The following MPP7 variants were observed in gnomAD, a reference collection of about 807,000 sequenced individuals.
MPP7 encodes MAGUK p55 subfamily member 7.
MPP7 carries 60 observed loss-of-function variants against 76.5 expected under a neutral mutation model. That is an observed-to-expected ratio of 0.78 (90% CI 0.64 to 0.97). The LOEUF is 0.97. MPP7 is among the 50% of genes least tolerant of loss of function. MPP7 has a pLI of 0.00. For missense variants in MPP7, 641 were observed against 694.0 expected (o/e 0.92, Z 0.86); for synonymous variants, 237 against 244.5 (o/e 0.97, Z 0.29).
intron 11 of MPP7, among the ~76,000 whole-genome samples, chr10:28,092,560 G>A (rs1853357612): frequency 7.0e-6 from 1 of 142,852 alleles, no homozygotes; most frequent in Admixed American, 7.2e-5. Context: ...AAGCTTCATA[G>A]AACCCAGAAA....
chr10:28,099,641 C>G (rs776353093), intron 11 of MPP7, among the ~76,000 whole-genome samples: 3 of 151,984 alleles, frequency 2.0e-5, no homozygotes, highest in Non-Finnish European at 2.9e-5. Flanking sequence ...CCCGTCTCTA[C>G]TAAAAATACA....
intron 1 of MPP7, among the ~76,000 whole-genome samples, chr10:28,332,202 G>T (rs1292901209): frequency 6.6e-6 from 1 of 151,552 alleles, no homozygotes; most frequent in African/African-American, 2.4e-5. Context: ...AAGCAACTTA[G>T]ATAATGTTTG....
At chr10:28,223,542 T>G (rs1838590650) in intron 2 of MPP7, among the ~76,000 whole-genome samples, 2 of 152,222 alleles carry the variant, frequency 1.3e-5, no homozygotes, top group Non-Finnish European at 2.9e-5. Flanking sequence ...AGAGTTCTTC[T>G]AACTAACTTC....
chr10:28,320,691 G>A (rs543146302), intron 2 of MPP7, among the ~76,000 whole-genome samples: 3 of 151,878 alleles, frequency 2.0e-5, no homozygotes, highest in South Asian at 2.1e-4. Flanking sequence ...CAGGGTGGGC[G>A]GTCCAAAATC....
At chr10:28,265,960 CTTCTG>C (rs894301277) in intron 1 of MPP7, among the ~76,000 whole-genome samples, 1 of 151,952 alleles carries the variant, frequency 6.6e-6, no homozygotes, top group African/African-American at 2.4e-5. Context: ...TCACAAGGGC[CTTCTG>C]TTCTGTTTTG....
At chr10:28,249,894 T>C (rs574353690) in intron 1 of MPP7, among the ~76,000 whole-genome samples, 2 of 152,320 alleles carry the variant, frequency 1.3e-5, no homozygotes, top group South Asian at 2.1e-4. Context: ...TAGCCAAGAA[T>C]GATGTCCTCT....
chr10:28,091,018 A>G (rs1174730548), intron 11 of MPP7, among the ~76,000 whole-genome samples: 1 of 151,980 alleles, frequency 6.6e-6, no homozygotes, highest in East Asian at 1.9e-4. Context: ...GTGGTGGTGC[A>G]CACATGTAAT....
chr10:28,256,342 A>G (rs2132891966), intron 1 of MPP7, among the ~76,000 whole-genome samples: 1 of 152,088 alleles, frequency 6.6e-6, no homozygotes, highest in South Asian at 2.1e-4. Context: ...AAAAAAAAAA[A>G]AAGCCTATTA....
chr10:28,312,882 C>G (rs772259549), intron 2 of MPP7, among the ~76,000 whole-genome samples: 1 of 152,188 alleles, frequency 6.6e-6, no homozygotes, highest in Non-Finnish European at 1.5e-5. Context: ...CACTTGAAAA[C>G]TAAGTAACTC....
intron 11 of MPP7, among the ~76,000 whole-genome samples, chr10:28,095,072 T>C (rs529894108): frequency 3.9e-5 from 6 of 152,124 alleles, no homozygotes; most frequent in Non-Finnish European, 7.4e-5. Context: ...TGTTACCATA[T>C]TTACATTGAA....
At chr10:28,159,845 T>C (rs1301837462) in intron 3 of MPP7, among the ~76,000 whole-genome samples, 6 of 152,180 alleles carry the variant, frequency 3.9e-5, no homozygotes, top group Admixed American at 2.6e-4. Context: ...ATATTATGCA[T>C]TGATCATTTG....
In MPP7 at chr10:28,052,398, A is replaced by G. The variant is rs944647318; in HGVS notation, c.*1667T>C. The G allele has an allele frequency of 7.2e-5, 11 of 152,246 alleles. No individual in the cohort carries two copies. Among genetic ancestry groups the G allele is most frequent in the Admixed American group, 1.3e-4 (2 of 15,278 alleles). 9.4% of individuals were successfully genotyped at this position (152,246 alleles called of 1,614,324 possible). A position where few individuals can be genotyped will look rare whatever the true frequency, so the allele number is the denominator to read the frequency against. The stretch of plus-strand genomic sequence containing the variant: ...CTCACTGTCTGGATCACGTTGTTAT[A>G]TAATACTTAGTCTGATTATCTATTT... On this transcript the variant is annotated 3_prime_UTR_variant, in exon 17 of 17. Transcript: ENST00000683449.
At chr10:28,263,315 G>T (rs1319950759) in intron 1 of MPP7, among the ~76,000 whole-genome samples, 1 of 152,022 alleles carries the variant, frequency 6.6e-6, no homozygotes, top group Admixed American at 6.6e-5. Context: ...TGGGCCTGGG[G>T]AGGGTAAAGT....
Position 28,203,424 on chromosome 10 carries a change from T to C in MPP7, c.38-1153A>G, listed in dbSNP as rs184498999. 3.4e-3 allele frequency among the ~76,000 whole-genome samples: 506 copies of C among 148,296 alleles called. 2 individuals are homozygous for C. The highest frequency in any genetic ancestry group is 5.6e-3 in the Non-Finnish European group (379 of 67,622). ...GTACCATATTGAAAATTAAGATACA[T>C]AACTTGGGAGATCTGATTAAATTGA... On this transcript the variant is annotated intron_variant, in intron 2 of 16. Transcript: ENST00000683449.
chr10:28,054,675 T>C (rs951615799), intron 16 of MPP7, among the ~76,000 whole-genome samples: 5 of 152,066 alleles, frequency 3.3e-5, no homozygotes, highest in African/African-American at 1.2e-4. Flanking sequence ...ATGATTACCA[T>C]GTTTTTTGTT....
chr10:28,311,905 G>C (rs1841291918), intron 2 of MPP7, among the ~76,000 whole-genome samples: 1 of 152,058 alleles, frequency 6.6e-6, no homozygotes, highest in Non-Finnish European at 1.5e-5. Context: ...AGTGTTTGAA[G>C]TTGGGATTAT....
At chr10:28,203,514 A>C (rs1031717528) in intron 2 of MPP7, among the ~76,000 whole-genome samples, 18 of 147,402 alleles carry the variant, frequency 1.2e-4, no homozygotes, top group Admixed American at 6.8e-4. Context: ...AAAAAAAAAA[A>C]AACCTTCTCT....
intron 3 of MPP7, among the ~76,000 whole-genome samples, chr10:28,155,991 C>A (rs1356605136): frequency 2.0e-5 from 3 of 152,016 alleles, no homozygotes; most frequent in African/African-American, 7.3e-5. Flanking sequence ...CATATAGGCC[C>A]ATTGTACGTT....
upstream of MPP7, among the ~76,000 whole-genome samples, chr10:28,307,912 T>TCTCCAAGCCTGGA (rs1207019205): frequency 1.3e-5 from 2 of 152,180 alleles, no homozygotes; most frequent in Non-Finnish European, 2.9e-5. Flanking sequence ...CAGGGGTTGC[T>TCTCCAAGCCTGGA]CTCCAAGCCT....
Sources: gnomAD v4.1 joint callset for allele counts (sites outside exome capture counted in the v4.1 genomes callset) on GRCh38, gnomAD v4.1.1 for gene constraint, MANE v1.5 for transcripts, NCBI Gene and HGNC (gene_info 2026-07-23, HGNC 2026-07-21) for gene names.